NLGN1: variants seen among roughly 807,000 people sequenced by gnomAD.
NLGN1 encodes neuroligin-1.
NLGN1 carries 12 observed loss-of-function variants against 65.5 expected under a neutral mutation model. That is an observed-to-expected ratio of 0.18 (90% CI 0.12 to 0.30). NLGN1 has a LOEUF of 0.30. Ranked by LOEUF, NLGN1 falls within the 10% of genes least tolerant of loss-of-function variation. The pLI is 1.00. For missense variants in NLGN1, 750 were observed against 1,007.1 expected (o/e 0.74, Z 3.46); for synonymous variants, 350 against 359.5 (o/e 0.97, Z 0.30).
chr3:173,631,151 G>T (rs1755622463), intron 3 of NLGN1, among the ~76,000 whole-genome samples: 1 of 152,086 alleles, frequency 6.6e-6, no homozygotes, highest in African/African-American at 2.4e-5. Flanking sequence ...AATTAAATTT[G>T]TGGTTTCACT....
intron 2 of NLGN1, among the ~76,000 whole-genome samples, chr3:173,507,044 A>G (rs1434532648): frequency 6.6e-6 from 1 of 152,136 alleles, no homozygotes; most frequent in African/African-American, 2.4e-5. Context: ...AACCCTTCTC[A>G]CTTCAGGCTG....
chr3:173,833,495 A>G (rs1214224323), intron 4 of NLGN1, among the ~76,000 whole-genome samples: 1 of 151,926 alleles, frequency 6.6e-6, no homozygotes, highest in Non-Finnish European at 1.5e-5. Flanking sequence ...GCAAGTAGTC[A>G]TAGTTTATCC....
At chr3:173,937,326 A>G (rs138913862) in intron 4 of NLGN1, among the ~76,000 whole-genome samples, 1 of 152,216 alleles carries the variant, frequency 6.6e-6, no homozygotes, top group Non-Finnish European at 1.5e-5. Flanking sequence ...TAATTCACCC[A>G]TCAATGAGAG....
chr3:173,826,942 AC>A (rs575180077), intron 4 of NLGN1, among the ~76,000 whole-genome samples: 65 of 152,172 alleles, frequency 4.3e-4, no homozygotes, highest in Admixed American at 8.5e-4. Flanking sequence ...AATAAACAAA[AC>A]AGAAACATAT....
At chr3:173,446,696 A>G (rs942421039) in intron 2 of NLGN1, among the ~76,000 whole-genome samples, 1 of 152,028 alleles carries the variant, frequency 6.6e-6, no homozygotes, top group African/African-American at 2.4e-5. Flanking sequence ...TAAAAGTGTT[A>G]CTATTTGTCC....
intron 1 of NLGN1, among the ~76,000 whole-genome samples, chr3:173,425,375 A>G (rs147228146): frequency 1.7e-4 from 26 of 151,440 alleles, no homozygotes; most frequent in Non-Finnish European, 3.2e-4. Context: ...TAAAATCTTT[A>G]TAGAATCTCA....
intron 4 of NLGN1, among the ~76,000 whole-genome samples, chr3:173,812,759 GTATA>G (rs63429660): frequency 6.9e-6 from 1 of 144,138 alleles, no homozygotes; most frequent in South Asian, 2.2e-4. Flanking sequence ...GTGTGTGCGT[GTATA>G]TATATATATG....
At chr3:173,648,724 A>T (rs1240081541) in intron 3 of NLGN1, among the ~76,000 whole-genome samples, 2 of 151,958 alleles carry the variant, frequency 1.3e-5, no homozygotes, top group East Asian at 3.9e-4. Flanking sequence ...ACAGGCATGC[A>T]CCACCACACC....
At chr3:173,829,323 G>A (rs79999567) in intron 4 of NLGN1, among the ~76,000 whole-genome samples, 231 of 152,250 alleles carry the variant, frequency 1.5e-3, no homozygotes, top group African/African-American at 5.4e-3. Flanking sequence ...CACAAGTTTA[G>A]AGGTTAGAGG....
At chr3:174,223,222 A>G (rs1055697976) in intron 4 of NLGN1, among the ~76,000 whole-genome samples, 1 of 152,100 alleles carries the variant, frequency 6.6e-6, no homozygotes, top group Admixed American at 6.5e-5. Flanking sequence ...TATGTGCTTT[A>G]TCTAGCTCAC....
rs1333866679 is a variant in NLGN1, at chr3:173,478,135, A to G, written c.-321+43057A>G. On this transcript the variant is annotated intron_variant, in intron 2 of 6. Transcript: ENST00000457714. ...TCATTGTAGCACTATTCACAATATC[A>G]AAGACATGGAATCAACCCAAATGCC... Among the ~76,000 whole-genome samples the G allele has an allele frequency of 3.9e-5, 6 of 152,328 alleles. No individual in the cohort carries two copies. The East Asian group carries it at 1.2e-3, about 29-fold the overall frequency.
chr3:173,489,537 A>G (rs144505435), intron 2 of NLGN1, among the ~76,000 whole-genome samples: 10,714 of 152,248 alleles, frequency 0.07, 442 homozygotes, highest in Middle Eastern at 0.2. Context: ...TAGTGTTGCA[A>G]TAAACATACG....
At chr3:174,081,750 T>C (rs1327371945) in intron 4 of NLGN1, among the ~76,000 whole-genome samples, 1 of 152,076 alleles carries the variant, frequency 6.6e-6, no homozygotes, top group Admixed American at 6.6e-5. Flanking sequence ...TTTGTATTTT[T>C]AGTAGAGATG....
chr3:173,586,727 A>G (rs1010659050), intron 2 of NLGN1, among the ~76,000 whole-genome samples: 3 of 152,194 alleles, frequency 2.0e-5, no homozygotes, highest in Admixed American at 2.0e-4. Flanking sequence ...GTCTCTTTTT[A>G]CTCTGCTATA....
intron 3 of NLGN1, among the ~76,000 whole-genome samples, chr3:173,707,990 A>G (rs559681803): frequency 6.6e-6 from 1 of 152,356 alleles, no homozygotes; most frequent in African/African-American, 2.4e-5. Context: ...GTATCACCAC[A>G]GGTGACAAAG....
At chr3:173,594,669 AT>A (rs1239128431) in intron 2 of NLGN1, among the ~76,000 whole-genome samples, 1 of 152,172 alleles carries the variant, frequency 6.6e-6, no homozygotes, top group African/African-American at 2.4e-5. Context: ...CTGATCCCAC[AT>A]TTTGCTTCCA....
At chr3:174,132,946 A>G (rs1462984109) in intron 4 of NLGN1, among the ~76,000 whole-genome samples, 1 of 152,174 alleles carries the variant, frequency 6.6e-6, no homozygotes, top group African/African-American at 2.4e-5. Context: ...TGATTTCTGG[A>G]CAATCCAACA....
chr3:173,771,439 TATA>T (rs1560335681), intron 3 of NLGN1, among the ~76,000 whole-genome samples: 1 of 152,218 alleles, frequency 6.6e-6, no homozygotes, highest in Non-Finnish European at 1.5e-5. Flanking sequence ...TGAGGAATGT[TATA>T]ATTCAAGAAA....
intron 4 of NLGN1, among the ~76,000 whole-genome samples, chr3:174,106,274 C>T (rs1180397795): frequency 1.3e-5 from 2 of 151,934 alleles, no homozygotes; most frequent in Non-Finnish European, 2.9e-5. Context: ...TAGCATTATG[C>T]CTGGTATATA....
Sources: gnomAD v4.1 joint callset for allele counts (sites outside exome capture counted in the v4.1 genomes callset) on GRCh38, gnomAD v4.1.1 for gene constraint, MANE v1.5 for transcripts, NCBI Gene and HGNC (gene_info 2026-07-23, HGNC 2026-07-21) for gene names.